The following EFCAB6 variants were observed in gnomAD, a reference collection of about 807,000 sequenced individuals.
EFCAB6 encodes the protein EF-hand calcium-binding domain-containing protein 6.
In EFCAB6, 156 loss-of-function variants were observed where a neutral mutation model predicts 169.8. The ratio of observed to expected loss-of-function variants is 0.92; its 90% CI spans 0.81 to 1.05. EFCAB6 has a LOEUF of 1.05. EFCAB6 is among the 50% of genes least tolerant of loss of function. The probability of loss-of-function intolerance (pLI) is 0.00; values close to 1 mark genes in which losing one functional copy is unlikely to be tolerated. For missense variants in EFCAB6, 1,800 were observed against 1,829.1 expected (o/e 0.98, Z 0.29); for synonymous variants, 698 against 676.4 (o/e 1.03, Z -0.50).
At chr22:43,741,637 C>T (rs1480493590) in intron 6 of EFCAB6, among the ~76,000 whole-genome samples, 2 of 152,220 alleles carry the variant, frequency 1.3e-5, no homozygotes, top group Non-Finnish European at 2.9e-5. Flanking sequence ...GCTGCCCTAT[C>T]TTCAGGGCTC....
At chr22:43,679,151 T>G (rs1268226229) in intron 12 of EFCAB6, among the ~76,000 whole-genome samples, 1 of 152,230 alleles carries the variant, frequency 6.6e-6, no homozygotes, top group East Asian at 1.9e-4. Flanking sequence ...ATTTGCAGTC[T>G]CTCCCCATTT....
At chr22:43,704,914 A>C (rs1297404296) in intron 10 of EFCAB6, among the ~76,000 whole-genome samples, 1 of 152,148 alleles carries the variant, frequency 6.6e-6, no homozygotes, top group Non-Finnish European at 1.5e-5. Flanking sequence ...AATAATTACT[A>C]TGGATGTAAA....
In EFCAB6 at chr22:43,628,257, A is replaced by T. The variant is rs1185581752; in HGVS notation, c.2233-1578T>A. ...TCTTTCCTCCTGGTTGCTCAGACAC[A>T]AACCTGGGAGCCCTTCTGAGCCCTC... is the stretch of plus-strand genomic sequence containing the variant. On this transcript the variant is annotated intron_variant, in intron 19 of 31. Transcript: ENST00000262726. The surrounding 1 kb of genome is among the most constrained non-coding windows in gnomAD (Gnocchi z 4.8). Among the ~76,000 whole-genome samples, 3 of 152,056 alleles carry T rather than the reference A, an allele frequency of 2.0e-5. No homozygotes were observed. The highest frequency in any genetic ancestry group is 4.4e-5 in the Non-Finnish European group (3 of 68,004).
At chr22:43,541,207 CT>C (rs2047698676) in intron 27 of EFCAB6, among the ~76,000 whole-genome samples, 2 of 152,206 alleles carry the variant, frequency 1.3e-5, no homozygotes, top group South Asian at 4.1e-4. Context: ...AGCCTGGGCT[CT>C]GCCAGAAACC....
Position 43,794,410 on chromosome 22 carries a change from A to G in EFCAB6, c.-7-12085T>C, listed in dbSNP as rs147707129. 5.9e-3 allele frequency among the ~76,000 whole-genome samples: 901 copies of G among 152,320 alleles called. 7 individuals are homozygous for G. Among genetic ancestry groups the G allele is most frequent in the African/African-American group, 0.02 (839 of 41,576 alleles). ...GAAAAGGTCAAATTTACTCAGTAAC[A>G]GTGAAGCCAAGACCCAAACTCCGGT... On this transcript the variant is annotated intron_variant, in intron 2 of 31. Coordinates refer to ENST00000262726, the MANE Select transcript of EFCAB6 (RefSeq NM_022785.4).
chr22:43,590,015 A>G, intron 24 of EFCAB6, 59 bp downstream of exon 24: 1 of 1,570,044 alleles, frequency 6.4e-7, no homozygotes, highest in Non-Finnish European at 8.6e-7. Flanking sequence ...AAACAAAGGC[A>G]ATTCTCCAGT....
intron 23 of EFCAB6, among the ~76,000 whole-genome samples, chr22:43,590,936 G>A (rs73172052): frequency 0.026 from 4,018 of 151,996 alleles, 77 homozygotes; most frequent in South Asian, 0.039. Context: ...GGGCCTTGTC[G>A]GTGCTGGGGC....
rs137764 is a variant in EFCAB6 at position 43,666,691 on chromosome 22, G to GTTTT, written c.1983+409_1983+412dup. Among the ~76,000 whole-genome samples, 464 of 77,666 alleles carry GTTTT rather than the reference G, an allele frequency of 6.0e-3. 9 individuals are homozygous for GTTTT. Among genetic ancestry groups the GTTTT allele is most frequent in the African/African-American group, 0.011 (212 of 19,640 alleles). 51.0% of individuals were successfully genotyped at this position (77,666 alleles called of 152,430 possible). On this transcript the variant is annotated intron_variant, in intron 17 of 31. Coordinates refer to ENST00000262726, the MANE Select transcript of EFCAB6 (RefSeq NM_022785.4). ...GTTTCCCATATTTCACTGCCAGATTGTTTTTTTTTTTTTTTTTTTTTTTTC... is the reference window on the plus strand; with the variant it reads ...GTTTCCCATATTTCACTGCCAGATTGTTTTTTTTTTTTTTTTTTTTTTTTTTTTC...
chr22:43,746,782 C>A (rs149738064), intron 6 of EFCAB6, among the ~76,000 whole-genome samples: 1 of 152,232 alleles, frequency 6.6e-6, no homozygotes, highest in African/African-American at 2.4e-5. Context: ...AAAAGGGCTG[C>A]TGATCTATAA....
At chr22:43,669,303 A>G (rs2057387720) in intron 15 of EFCAB6, among the ~76,000 whole-genome samples, 2 of 152,262 alleles carry the variant, frequency 1.3e-5, no homozygotes, top group African/African-American at 4.8e-5. Flanking sequence ...GCCAGAAACT[A>G]GAAACAAACC....
In EFCAB6 at chr22:43,779,769, A is replaced by G. The variant is rs188738403; in HGVS notation, c.139+2411T>C. Among the ~76,000 whole-genome samples the G allele has an allele frequency of 4.2e-3, 644 of 152,272 alleles. 2 individuals carry two copies. Among genetic ancestry groups the G allele is most frequent in the Middle Eastern group, 0.027 (8 of 294 alleles). The stretch of plus-strand genomic sequence containing the variant: ...AAACAACAAGAAAAAAAAGTTAAAA[A>G]AAACACTCCAGTGCACTAAAAAGTA... On this transcript the variant is annotated intron_variant, in intron 3 of 31. Transcript: ENST00000262726.
intron 28 of EFCAB6, among the ~76,000 whole-genome samples, chr22:43,538,328 C>A (rs368250472): frequency 6.6e-6 from 1 of 152,136 alleles, no homozygotes; most frequent in African/African-American, 2.4e-5. Flanking sequence ...AAGCCACCAT[C>A]GCCTCTGCTA....
intron 17 of EFCAB6, among the ~76,000 whole-genome samples, chr22:43,638,854 C>T (rs561345834): frequency 4.0e-5 from 6 of 148,600 alleles, no homozygotes; most frequent in South Asian, 2.2e-4. Flanking sequence ...GGTGCGATCT[C>T]GGCTCACCGC....
chr22:43,697,476 T>C (rs987792940), intron 10 of EFCAB6, among the ~76,000 whole-genome samples: 1 of 152,236 alleles, frequency 6.6e-6, no homozygotes, highest in Non-Finnish European at 1.5e-5. Flanking sequence ...ATAGTAGCTA[T>C]CTCTGGCTAT....
At chr22:43,643,950 A>T (rs2055976963) in intron 17 of EFCAB6, among the ~76,000 whole-genome samples, 1 of 151,580 alleles carries the variant, frequency 6.6e-6, no homozygotes, top group South Asian at 2.1e-4. Flanking sequence ...CAGCCTCCTG[A>T]GTAGCTGGGA....
chr22:43,804,637 C>T (rs574259522), intron 2 of EFCAB6, among the ~76,000 whole-genome samples: 3 of 151,926 alleles, frequency 2.0e-5, no homozygotes, highest in African/African-American at 4.8e-5. Flanking sequence ...GGTGGTGGCA[C>T]GCACCTGCAG....
chr22:43,599,506 T>A, intron 23 of EFCAB6, among the ~76,000 whole-genome samples: 2 of 57,172 alleles, frequency 3.5e-5, no homozygotes, highest in Admixed American at 5.7e-4. Flanking sequence ...TGAGATTCCA[T>A]CTCAAAAAAA....
In EFCAB6 at chr22:43,812,263, C is replaced by T. The variant is rs1603400676; in HGVS notation, c.-240G>A. 6.6e-6 allele frequency: 1 copy of T among 152,432 alleles called. No individual in the cohort carries two copies. Among genetic ancestry groups the T allele is most frequent in the Non-Finnish European group, 1.5e-5 (1 of 68,074 alleles). The allele number at this position is 152,432 out of a possible 1,614,324, so 9.4% of individuals were successfully genotyped here. On this transcript the variant is annotated 5_prime_UTR_variant, in exon 1 of 32. Coordinates refer to ENST00000262726, the MANE Select transcript of EFCAB6 (RefSeq NM_022785.4). ...CTCAGAGGGGCTGCCCATTCGGCGT[C>T]TCTAGGACGCTGTTGCCCGAGAGAC...
At position 43,668,906 on chromosome 22, in the gene EFCAB6, T is replaced by C. The variant is rs2057371228; in HGVS notation, c.1780A>G (p.Lys594Glu). 3 of 1,608,132 alleles carry C rather than the reference T, an allele frequency of 1.9e-6. No individual in the cohort carries two copies. Among genetic ancestry groups the C allele is most frequent in the Non-Finnish European group, 2.5e-6 (3 of 1,177,516 alleles). The change falls in exon 16 of 32, where the codon AAA (lysine) becomes GAA (glutamate). Residue 594 changes from lysine to glutamate, a missense_variant. Transcript: ENST00000262726. ...KDQLLSEHLQ[K>E]DEQQQPDLSE... The stretch of plus-strand genomic sequence containing the variant: ...AGATCTGGCTGCTGCTGTTCATCTT[T>C]TTGTAAATGTTCACTTAACAGCTGA...
Sources: gnomAD v4.1 joint callset for allele counts (sites outside exome capture counted in the v4.1 genomes callset) on GRCh38, gnomAD v4.1.1 for gene constraint, Gnocchi (gnomAD v3.1) non-coding constraint, MANE v1.5 for transcripts, NCBI Gene and HGNC (gene_info 2026-07-23, HGNC 2026-07-21) for gene names.